The following DLG2 variants were observed in gnomAD, a reference collection of about 807,000 sequenced individuals.
DLG2 encodes disks large homolog 2.
A neutral mutation model predicts 132.5 loss-of-function variants in DLG2; 45 were observed. The ratio of observed to expected loss-of-function variants is 0.34; its 90% CI spans 0.27 to 0.44. The LOEUF (loss-of-function observed/expected upper bound fraction) is 0.44. Among genes scored for constraint, DLG2 ranks in the 20% least tolerant of loss-of-function variants. The pLI, the probability that DLG2 is intolerant of heterozygous loss-of-function variation, is 1.00. For synonymous variants in DLG2, 424 were observed against 419.6 expected (o/e 1.01, Z -0.13); for missense variants, 1,045 against 1,196.9 (o/e 0.87, Z 1.87).
At chr11:85,162,199 C>A (rs1301702405) in intron 4 of DLG2, among the ~76,000 whole-genome samples, 2 of 152,100 alleles carry the variant, frequency 1.3e-5, no homozygotes, top group Admixed American at 6.5e-5. Context: ...TACTCCACAA[C>A]GGGAAGTAAG....
intron 4 of DLG2, 35 bp downstream of exon 4, chr11:85,285,185 A>G (rs1165565349): frequency 6.3e-7 from 1 of 1,591,924 alleles, no homozygotes; most frequent in Non-Finnish European, 8.6e-7. Context: ...AAGTCCTAGT[A>G]TTATTCAGTT....
In DLG2 at chr11:84,981,248, A is replaced by G. The variant is rs1208036053; in HGVS notation, c.357+130413T>C. Among the ~76,000 whole-genome samples, 7 of 152,342 alleles carry G rather than the reference A, an allele frequency of 4.6e-5. No individual in the cohort carries two copies. In the South Asian group the frequency reaches 1.4e-3, roughly 32 times the overall value. On this transcript the variant is annotated intron_variant, in intron 6 of 27. Transcript: ENST00000376104. Reference sequence around the variant, plus strand: ...AAATATATTTTGAGAAAAAATCAATATAAGTTCTATTACTATCTGTGCAGA... The same window carrying G: ...AAATATATTTTGAGAAAAAATCAATGTAAGTTCTATTACTATCTGTGCAGA...
chr11:85,456,442 T>C (rs1401407741), intron 3 of DLG2, among the ~76,000 whole-genome samples: 2 of 152,140 alleles, frequency 1.3e-5, no homozygotes, highest in Non-Finnish European at 2.9e-5. Context: ...ATCTTTTGTA[T>C]GGTGTTTTCA....
At chr11:85,517,379 T>A (rs980301112) in intron 3 of DLG2, among the ~76,000 whole-genome samples, 2 of 152,044 alleles carry the variant, frequency 1.3e-5, no homozygotes, top group African/African-American at 4.8e-5. Flanking sequence ...AACAAGACAA[T>A]GACTCCTACT....
rs1479106715 is a variant in DLG2 at position 84,243,877 on chromosome 11, C to T, written c.573+7361G>A. ...GTCTCACGATGAATATTCATTAAGC[C>T]CCTTCTGCATACTAGGATGAGTATT... On this transcript the variant is annotated intron_variant, in intron 8 of 27. Coordinates refer to ENST00000376104, the MANE Select transcript of DLG2 (RefSeq NM_001142699.3). Among the ~76,000 whole-genome samples the T allele has an allele frequency of 2.6e-5, 4 of 152,124 alleles. No individual in the cohort carries two copies. The East Asian group carries it at 5.8e-4, about 22-fold the overall frequency.
intron 3 of DLG2, among the ~76,000 whole-genome samples, chr11:85,308,948 C>T (rs754570608): frequency 6.6e-6 from 1 of 152,072 alleles, no homozygotes; most frequent in Non-Finnish European, 1.5e-5. Context: ...GACATTGACA[C>T]CCATTCGCCT....
chr11:83,858,143 G>A (rs2060851201), intron 16 of DLG2, among the ~76,000 whole-genome samples: 2 of 152,174 alleles, frequency 1.3e-5, no homozygotes, highest in African/African-American at 4.8e-5. Context: ...CAACGTGTCT[G>A]TTTTGCTGAG....
chr11:84,790,689 T>C (rs1445040372), intron 6 of DLG2, among the ~76,000 whole-genome samples: 4 of 152,216 alleles, frequency 2.6e-5, no homozygotes, highest in Non-Finnish European at 5.9e-5. Context: ...GTTTCCCTTA[T>C]GTTTCCTTGT....
chr11:85,458,671 G>A (rs1256421666), intron 3 of DLG2, among the ~76,000 whole-genome samples: 1 of 152,138 alleles, frequency 6.6e-6, no homozygotes, highest in African/African-American at 2.4e-5. Context: ...CTTTTTCTTG[G>A]TTTCAAATAT....
chr11:84,846,890 AT>A (rs1190175307), intron 6 of DLG2, among the ~76,000 whole-genome samples: 3 of 152,208 alleles, frequency 2.0e-5, no homozygotes, highest in East Asian at 1.9e-4. Flanking sequence ...TATATGTGAG[AT>A]TTTTTTATAT....
intron 4 of DLG2, among the ~76,000 whole-genome samples, chr11:85,214,481 T>C (rs1041143720): frequency 2.6e-5 from 4 of 152,110 alleles, no homozygotes; most frequent in Admixed American, 2.6e-4. Context: ...CCACTACCAA[T>C]ATATACTCCA....
intron 4 of DLG2, among the ~76,000 whole-genome samples, chr11:85,176,427 C>T (rs1361492049): frequency 6.6e-6 from 1 of 152,104 alleles, no homozygotes; most frequent in Admixed American, 6.5e-5. Flanking sequence ...AAAATTGAAA[C>T]TGGACCATTT....
intron 3 of DLG2, among the ~76,000 whole-genome samples, chr11:85,298,937 T>A (rs1464469116): frequency 6.6e-6 from 1 of 152,080 alleles, no homozygotes; most frequent in Admixed American, 6.6e-5. Flanking sequence ...TCAAAAAAAA[T>A]TTAATGCCCT....
At chr11:83,981,343 G>A (rs1195931635) in intron 11 of DLG2, among the ~76,000 whole-genome samples, 1 of 151,466 alleles carries the variant, frequency 6.6e-6, no homozygotes, top group Non-Finnish European at 1.5e-5. Context: ...ACAAAAAAGT[G>A]AATTATTCCA....
rs182141730 is a variant in DLG2, at chr11:83,727,477, C to G, written c.1825+59213G>C. On this transcript the variant is annotated intron_variant, in intron 18 of 27. Transcript: ENST00000376104. ...TTCAGGTGCAACAGGTGCCCTTGGA[C>G]TGTGAGTAATGCAAATATTGACATC... Among the ~76,000 whole-genome samples, 424 of 152,264 alleles carry G rather than the reference C, an allele frequency of 2.8e-3. 4 individuals carry two copies. Among genetic ancestry groups the G allele is most frequent in the Non-Finnish European group, 4.7e-3 (322 of 68,014 alleles).
chr11:85,393,296 T>C (rs1051618768), intron 3 of DLG2, among the ~76,000 whole-genome samples: 1 of 152,166 alleles, frequency 6.6e-6, no homozygotes, highest in African/African-American at 2.4e-5. Context: ...CCTTCAAGAA[T>C]GGTCATATTC....
intron 18 of DLG2, among the ~76,000 whole-genome samples, chr11:83,682,718 C>G (rs2079041315): frequency 6.6e-6 from 1 of 152,130 alleles, no homozygotes; most frequent in African/African-American, 2.4e-5. Context: ...AACACTTTCA[C>G]TCTCACTGAG....
chr11:85,530,471 C>T (rs550126172), intron 3 of DLG2, among the ~76,000 whole-genome samples: 4 of 152,020 alleles, frequency 2.6e-5, no homozygotes, highest in African/African-American at 7.2e-5. Context: ...CAGGCACATG[C>T]CACCACGCCC....
At chr11:84,450,725 T>C (rs1466725125) in intron 7 of DLG2, among the ~76,000 whole-genome samples, 1 of 151,740 alleles carries the variant, frequency 6.6e-6, no homozygotes, top group Non-Finnish European at 1.5e-5. Context: ...ATACACTCCT[T>C]TTCACAATGT....
Sources: gnomAD v4.1 joint callset for allele counts (sites outside exome capture counted in the v4.1 genomes callset) on GRCh38, gnomAD v4.1.1 for gene constraint, MANE v1.5 for transcripts, NCBI Gene and HGNC (gene_info 2026-07-23, HGNC 2026-07-21) for gene names.